The following CACNA1C variants were observed in gnomAD, a reference collection of about 807,000 sequenced individuals.
CACNA1C encodes calcium voltage-gated channel subunit alpha1 C, also known as voltage-dependent L-type calcium channel subunit alpha-1C.
CACNA1C carries 30 observed loss-of-function variants against 229.0 expected under a neutral mutation model. The observed-to-expected ratio is 0.13, with a 90% CI of 0.10 to 0.18. CACNA1C has a LOEUF of 0.18. Among genes scored for constraint, CACNA1C ranks in the 10% least tolerant of loss-of-function variants. CACNA1C has a pLI of 1.00. For synonymous variants in CACNA1C, 1,114 were observed against 1,132.5 expected (o/e 0.98, Z 0.33); for missense variants, 1,658 against 2,845.0 (o/e 0.58, Z 9.49).
intron 3 of CACNA1C, among the ~76,000 whole-genome samples, chr12:2,304,291 G>A (rs1324470748): frequency 6.6e-6 from 1 of 152,188 alleles, no homozygotes; most frequent in Admixed American, 6.5e-5. Context: ...AAGAAAGCTG[G>A]AGGGCGGTCC....
At chr12:2,302,620 C>G (rs943904150) in intron 3 of CACNA1C, among the ~76,000 whole-genome samples, 29 of 152,114 alleles carry the variant, frequency 1.9e-4, no homozygotes, top group African/African-American at 7.0e-4. Context: ...AGCGTGCCAA[C>G]AGGGAGTGGC....
At chr12:2,035,458 G>T (rs2048969118) in intron 1 of CACNA1C, among the ~76,000 whole-genome samples, 1 of 152,136 alleles carries the variant, frequency 6.6e-6, no homozygotes, top group African/African-American at 2.4e-5. Flanking sequence ...GAGGTGATGG[G>T]GTGCAGGGAA....
At chr12:2,222,762 G>A (rs991903348) in intron 3 of CACNA1C, among the ~76,000 whole-genome samples, 4 of 152,172 alleles carry the variant, frequency 2.6e-5, no homozygotes, top group South Asian at 2.1e-4. Context: ...AGTGGCAGGC[G>A]GCTCTCAAGT....
In CACNA1C at chr12:2,550,021, G is replaced by C; in HGVS notation, c.1469G>C (p.Gly490Ala). The change falls in exon 10 of 47, where the codon GGG becomes GCG. Residue 490 changes from glycine to alanine, a missense_variant. Gly to Ala is a moderately conservative substitution (Grantham distance 60). Around this residue, in one of 20 missense-constraint regions of CACNA1C, gnomAD observed 149 missense variants for 194.2 expected, o/e 0.77. Coordinates refer to ENST00000399655, the MANE Select transcript of CACNA1C (RefSeq NM_000719.7). ...AGGDIEGENC[G>A]ARLAHRISKS... Reference sequence around the variant, plus strand: ...GGTGACATCGAGGGAGAAAACTGCGGGGCCAGGCTGGCGTGAGTAGGCACG... The same window carrying C: ...GGTGACATCGAGGGAGAAAACTGCGCGGCCAGGCTGGCGTGAGTAGGCACG... The C allele has an allele frequency of 6.2e-7, 1 of 1,604,400 alleles. No individual in the cohort carries two copies. Among genetic ancestry groups the C allele is most frequent in the East Asian group, 2.2e-5 (1 of 44,454 alleles).
At chr12:2,226,170 C>T (rs2062963959) in intron 3 of CACNA1C, among the ~76,000 whole-genome samples, 1 of 129,806 alleles carries the variant, frequency 7.7e-6, no homozygotes, top group South Asian at 2.6e-4. Flanking sequence ...CACACACACA[C>T]ACAGTTTTCT....
chr12:2,056,196 AGTGTGTGTGTGTGT>A (rs138718348), intron 1 of CACNA1C, among the ~76,000 whole-genome samples: 15,204 of 146,052 alleles, frequency 0.1, 893 homozygotes, highest in African/African-American at 0.15. Context: ...AGTGTGTGTG[AGTGTGTGTGTGTGT>A]GTGTGTGTGT....
At chr12:2,547,311 G>T (rs1486259568) in intron 9 of CACNA1C, 10 of 622,356 alleles carry the variant, frequency 1.6e-5, no homozygotes, top group Middle Eastern at 2.5e-4. Context: ...AATTTTTTTT[G>T]TTTATTTTCT....
intron 1 of CACNA1C, among the ~76,000 whole-genome samples, chr12:1,984,349 T>G (rs1411001085): frequency 6.6e-6 from 1 of 152,118 alleles, no homozygotes; most frequent in African/African-American, 2.4e-5. Flanking sequence ...TTGAATTTTT[T>G]AGTATTCTAT....
At chr12:2,183,471 G>T (rs112205927) in intron 3 of CACNA1C, among the ~76,000 whole-genome samples, 1 of 152,214 alleles carries the variant, frequency 6.6e-6, no homozygotes, top group Non-Finnish European at 1.5e-5. Context: ...GGGGCTGCAC[G>T]GGAATCAGAA....
intron 3 of CACNA1C, among the ~76,000 whole-genome samples, chr12:2,140,342 G>C (rs1383859379): frequency 2.6e-5 from 4 of 151,424 alleles, no homozygotes; most frequent in African/African-American, 9.7e-5. Flanking sequence ...AGTCACTTTT[G>C]GTTTGGTGTC....
intron 3 of CACNA1C, among the ~76,000 whole-genome samples, chr12:2,445,310 C>G (rs2099267155): frequency 6.6e-6 from 1 of 152,240 alleles, no homozygotes; most frequent in Non-Finnish European, 1.5e-5. Context: ...TTGGAATCAT[C>G]TGTCCATTTG....
chr12:2,340,756 G>A (rs2096838057), intron 3 of CACNA1C, among the ~76,000 whole-genome samples: 1 of 152,152 alleles, frequency 6.6e-6, no homozygotes, highest in South Asian at 2.1e-4. Context: ...AGGAGATCGA[G>A]ACCATCCTGG....
intron 9 of CACNA1C, among the ~76,000 whole-genome samples, chr12:2,521,853 A>C (rs2099810646): frequency 6.6e-6 from 1 of 152,092 alleles, no homozygotes; most frequent in Non-Finnish European, 1.5e-5. Context: ...TCTGCAGCCG[A>C]CTGTGTCACT....
At chr12:2,551,830 G>T (rs529609709) in intron 10 of CACNA1C, among the ~76,000 whole-genome samples, 1 of 152,068 alleles carries the variant, frequency 6.6e-6, no homozygotes, top group East Asian at 1.9e-4. Context: ...GGAAGGAGCC[G>T]TCACAGTCAG....
intron 3 of CACNA1C, among the ~76,000 whole-genome samples, chr12:2,289,379 C>G (rs2093180784): frequency 6.6e-6 from 1 of 152,126 alleles, no homozygotes; most frequent in African/African-American, 2.4e-5. Flanking sequence ...CTAGCCACCT[C>G]CAGAGGCAAC....
chr12:2,664,191 T>A (rs777551499), intron 34 of CACNA1C, among the ~76,000 whole-genome samples: 2 of 152,234 alleles, frequency 1.3e-5, no homozygotes, highest in Non-Finnish European at 2.9e-5. Flanking sequence ...AGCAGTGACA[T>A]ATTATCTCAC....
chr12:2,406,140 T>A (rs2098734955), intron 3 of CACNA1C, among the ~76,000 whole-genome samples: 1 of 152,200 alleles, frequency 6.6e-6, no homozygotes, highest in Non-Finnish European at 1.5e-5. Context: ...TGAATTATTT[T>A]CCCCCCTGGG....
intron 3 of CACNA1C, among the ~76,000 whole-genome samples, chr12:2,257,359 A>G (rs2078358641): frequency 6.6e-6 from 1 of 152,168 alleles, no homozygotes; most frequent in African/African-American, 2.4e-5. Context: ...CCTTTTTGGC[A>G]CCAGGAATCA....
At chr12:2,627,448 T>A (rs2087439286) in intron 29 of CACNA1C, among the ~76,000 whole-genome samples, 1 of 152,066 alleles carries the variant, frequency 6.6e-6, no homozygotes, top group African/African-American at 2.4e-5. Flanking sequence ...CGCCGCCAGC[T>A]GCCAGTGGGA....
Sources: allele counts gnomAD v4.1 joint callset (sites outside exome capture counted in the v4.1 genomes callset), GRCh38; gene constraint gnomAD v4.1.1; regional missense constraint gnomAD v4.1.1; transcripts MANE v1.5; gene names NCBI Gene and HGNC (gene_info 2026-07-23, HGNC 2026-07-21).